PPP1R12B: variants seen among roughly 807,000 people sequenced by gnomAD.
PPP1R12B encodes myosin phosphatase target subunit 2.
In PPP1R12B, 76 loss-of-function variants were observed where a neutral mutation model predicts 126.1. The observed-to-expected ratio is 0.60, with a 90% confidence interval of 0.50 to 0.73. PPP1R12B has a LOEUF of 0.73. Ranked by LOEUF, PPP1R12B falls within the 30% of genes least tolerant of loss-of-function variation. PPP1R12B has a pLI of 0.00. For missense variants in PPP1R12B, 1,052 were observed against 1,205.1 expected, an observed-to-expected ratio of 0.87 and a Z score of 1.88; for synonymous variants, 356 against 434.7, an observed-to-expected ratio of 0.82 and a Z score of 2.25.
intron 1 of PPP1R12B, among the ~76,000 whole-genome samples, chr1:202,370,319 A>C (rs1278212172): frequency 6.6e-6 from 1 of 152,162 alleles, no homozygotes; most frequent in African/African-American, 2.4e-5. Flanking sequence ...ACGTATCCAT[A>C]GTTTATTGTT....
chr1:202,558,550 G>C (rs1687192644), intron 18 of PPP1R12B: 2 of 259,134 alleles, frequency 7.7e-6, no homozygotes, highest in East Asian at 1.8e-4. Context: ...TAGAACACAA[G>C]CTTGGCTAGT....
At chr1:202,521,529 C>T (rs574656281) in intron 18 of PPP1R12B, among the ~76,000 whole-genome samples, 3 of 152,146 alleles carry the variant, frequency 2.0e-5, no homozygotes, top group Admixed American at 2.0e-4. Flanking sequence ...GAGAAAGAAG[C>T]GTTTAGACAT....
chr1:202,416,565 A>G (rs1174037375), intron 1 of PPP1R12B, among the ~76,000 whole-genome samples: 2 of 151,722 alleles, frequency 1.3e-5, no homozygotes, highest in East Asian at 3.9e-4. Flanking sequence ...ATGATTATAC[A>G]TGAAACTGTG....
chr1:202,562,517 C>A, intron 19 of PPP1R12B: 1 of 559,032 alleles, frequency 1.8e-6, no homozygotes, highest in Non-Finnish European at 3.3e-6. Flanking sequence ...TTTAAGTCAG[C>A]TCATAGGTCC....
At chr1:202,397,766 G>T (rs1168444462) in intron 1 of PPP1R12B, among the ~76,000 whole-genome samples, 1 of 152,154 alleles carries the variant, frequency 6.6e-6, no homozygotes, top group African/African-American at 2.4e-5. Flanking sequence ...TATCCCTTGA[G>T]TTAGCAATTA....
At position 202,569,231 on chromosome 1, in the gene PPP1R12B, G is replaced by A. The variant is rs777984235; in HGVS notation, c.2862+34G>A. ...AGATTTTCTTTCTTTTTGTATGCCT[G>A]TTCTCTGAATGCCTGCCAAGACTGG... On this transcript the variant is annotated intron_variant, in intron 23 of 23. Transcript: ENST00000608999. 8 of 1,591,922 alleles carry A rather than the reference G, an allele frequency of 5.0e-6. No homozygotes were observed. The East Asian group carries it at 1.6e-4, about 31-fold the overall frequency.
chr1:202,461,863 C>G (rs376459856), intron 13 of PPP1R12B, among the ~76,000 whole-genome samples: 9 of 152,232 alleles, frequency 5.9e-5, no homozygotes, highest in African/African-American at 2.2e-4. Flanking sequence ...TTATATGAGG[C>G]AAGAGCTAGT....
intron 18 of PPP1R12B, among the ~76,000 whole-genome samples, chr1:202,556,388 T>G (rs1253274719): frequency 1.3e-5 from 2 of 152,188 alleles, no homozygotes; most frequent in Non-Finnish European, 2.9e-5. Context: ...CATTAACAAT[T>G]CAATTCAGTT....
At chr1:202,387,275 A>G (rs1292167740) in intron 1 of PPP1R12B, among the ~76,000 whole-genome samples, 1 of 152,252 alleles carries the variant, frequency 6.6e-6, no homozygotes, top group African/African-American at 2.4e-5. Flanking sequence ...TAACTGCTCC[A>G]GAAAATAGGC....
At chr1:202,471,902 C>T in intron 13 of PPP1R12B, 1 of 1,594,884 alleles carries the variant, frequency 6.3e-7, no homozygotes, top group Non-Finnish European at 8.5e-7. Context: ...CTTCTGTAAG[C>T]CTTGCTTTTC....
chr1:202,438,682 G>A (rs1278513707), intron 10 of PPP1R12B: 5 of 596,486 alleles, frequency 8.4e-6, no homozygotes, highest in East Asian at 6.1e-5. Context: ...CAGGGCCGCC[G>A]GGTTCAAGCC....
At chr1:202,387,464 G>A (rs1470573744) in intron 1 of PPP1R12B, among the ~76,000 whole-genome samples, 1 of 152,112 alleles carries the variant, frequency 6.6e-6, no homozygotes, top group African/African-American at 2.4e-5. Flanking sequence ...GCTATTTCAG[G>A]TTCATTTGAA....
chr1:202,410,347 AG>A (rs1263114772), intron 1 of PPP1R12B: 1 of 152,260 alleles, frequency 6.6e-6, no homozygotes, highest in Non-Finnish European at 1.5e-5. Flanking sequence ...AATCCAAACA[AG>A]TAGGTGTTAG....
chr1:202,368,350 G>A (rs1287276168), intron 1 of PPP1R12B, among the ~76,000 whole-genome samples: 2 of 152,070 alleles, frequency 1.3e-5, no homozygotes, highest in South Asian at 2.1e-4. Context: ...TGCTTGCTCC[G>A]CTTCGCCCTC....
intron 12 of PPP1R12B, among the ~76,000 whole-genome samples, chr1:202,444,150 AAAC>A (rs1348924398): frequency 6.6e-6 from 1 of 152,228 alleles, no homozygotes; most frequent in Non-Finnish European, 1.5e-5. Context: ...CAGCTATGCC[AAAC>A]CTTCATATAC....
intron 18 of PPP1R12B, 94 bp downstream of exon 18, chr1:202,496,916 T>G: frequency 7.8e-7 from 1 of 1,289,358 alleles, no homozygotes; most frequent in Non-Finnish European, 1.1e-6. Context: ...TTAATGCAGA[T>G]TTTAGTTGAG....
intron 15 of PPP1R12B, among the ~76,000 whole-genome samples, chr1:202,494,249 TA>T (rs1679246189): frequency 1.3e-5 from 2 of 152,224 alleles, no homozygotes; most frequent in African/African-American, 4.8e-5. Context: ...GGTATTCTTC[TA>T]AGCACCTAAC....
chr1:202,428,287 T>C (rs1669805891), intron 5 of PPP1R12B, among the ~76,000 whole-genome samples: 1 of 152,198 alleles, frequency 6.6e-6, no homozygotes, highest in Non-Finnish European at 1.5e-5. Context: ...ACTGATTTTC[T>C]AGTAGTGCAG....
chr1:202,370,613 T>G (rs1443763072), intron 1 of PPP1R12B, among the ~76,000 whole-genome samples: 1 of 152,168 alleles, frequency 6.6e-6, no homozygotes, highest in Admixed American at 6.5e-5. Flanking sequence ...CTCAGCTCAC[T>G]GCAACCTCCG....
Sources: gnomAD v4.1 joint callset for allele counts (sites outside exome capture counted in the v4.1 genomes callset) on GRCh38, gnomAD v4.1.1 for gene constraint, MANE v1.5 for transcripts, NCBI Gene and HGNC (gene_info 2026-07-23, HGNC 2026-07-21) for gene names.